The following KCNMA1 variants were observed in gnomAD, a reference collection of about 807,000 sequenced individuals.
The protein encoded by KCNMA1 is potassium calcium-activated channel subfamily M alpha 1.
A neutral mutation model predicts 140.0 loss-of-function variants in KCNMA1; 29 were observed. The ratio of observed to expected loss-of-function variants is 0.21; its 90% CI spans 0.15 to 0.28. The LOEUF (loss-of-function observed/expected upper bound fraction) is 0.28, where lower values mean the gene tolerates loss of function less well. Among genes scored for constraint, KCNMA1 ranks in the 10% least tolerant of loss-of-function variants. The probability of loss-of-function intolerance (pLI) is 1.00; values close to 1 mark genes in which losing one functional copy is unlikely to be tolerated. For missense variants in KCNMA1, 880 were observed against 1,602.2 expected (o/e 0.55, Z 7.70); for synonymous variants, 612 against 611.9 (o/e 1.00, Z 0.00).
At chr10:77,608,242 G>A (rs992058330) in intron 1 of KCNMA1, among the ~76,000 whole-genome samples, 2 of 152,004 alleles carry the variant, frequency 1.3e-5, no homozygotes, top group African/African-American at 4.8e-5. Flanking sequence ...ATACAATCTT[G>A]GTTCACTGCA....
chr10:76,888,551 C>G (rs186597735), intron 27 of KCNMA1, among the ~76,000 whole-genome samples: 1 of 152,252 alleles, frequency 6.6e-6, no homozygotes, highest in East Asian at 1.9e-4. Flanking sequence ...TGCAAACTCA[C>G]TGATCTTGGT....
chr10:77,157,713 G>C (rs753468198), intron 5 of KCNMA1, among the ~76,000 whole-genome samples: 31 of 152,234 alleles, frequency 2.0e-4, no homozygotes, highest in Non-Finnish European at 3.2e-4. Flanking sequence ...AGAAAAATAA[G>C]CCCTTCATCC....
intron 1 of KCNMA1, among the ~76,000 whole-genome samples, chr10:77,613,502 C>T (rs751174032): frequency 6.6e-6 from 1 of 152,214 alleles, no homozygotes; most frequent in African/African-American, 2.4e-5. Context: ...CTGGTTTTGG[C>T]TGCCAAGGGA....
chr10:76,987,196 G>A (rs1565382089), intron 19 of KCNMA1, among the ~76,000 whole-genome samples: 2 of 151,964 alleles, frequency 1.3e-5, no homozygotes, highest in African/African-American at 4.8e-5. Flanking sequence ...AATTCACACT[G>A]TGTGTCTTGG....
intron 1 of KCNMA1, among the ~76,000 whole-genome samples, chr10:77,499,436 TACACACAC>T (rs10672811): frequency 1.4e-5 from 2 of 142,976 alleles, no homozygotes; most frequent in Admixed American, 1.4e-4. Context: ...CACACACACA[TACACACAC>T]ACACACACAC....
chr10:77,262,747 C>T (rs11002100), intron 2 of KCNMA1, among the ~76,000 whole-genome samples: 27,868 of 151,916 alleles, frequency 0.18, 3,368 homozygotes, highest in East Asian at 0.44. Context: ...CTTTGCCTTC[C>T]GCCATGATTG....
rs191398917 is a variant in KCNMA1 at position 77,143,691 on chromosome 10, T to C, written c.809-22643A>G. On this transcript the variant is annotated intron_variant, in intron 5 of 27. Transcript: ENST00000286628. ...GGACACTCGGATAAGCAAAGGCTTC[T>C]TAGATAGGACACAAAAGGCACTCAC... Among the ~76,000 whole-genome samples the C allele has an allele frequency of 2.1e-4, 32 of 152,194 alleles. No homozygotes were observed. In the East Asian group the frequency reaches 5.4e-3, roughly 26 times the overall value.
At chr10:77,148,414 A>T (rs547580355) in intron 5 of KCNMA1, 2 of 152,358 alleles carry the variant, frequency 1.3e-5, no homozygotes, top group South Asian at 2.1e-4. Context: ...GACAGAAAGC[A>T]TAACACTGAA....
chr10:77,622,276 C>G (rs2091591262), intron 1 of KCNMA1, among the ~76,000 whole-genome samples: 1 of 152,204 alleles, frequency 6.6e-6, no homozygotes, highest in Non-Finnish European at 1.5e-5. Flanking sequence ...TCACATCTCT[C>G]CAGGAACAAC....
At chr10:76,877,003 C>T (rs1289641161), downstream of KCNMA1, 3 of 152,680 alleles carry the variant, frequency 2.0e-5, no homozygotes, top group Admixed American at 6.5e-5. Context: ...CTCCTGGTGT[C>T]CTTAGTTGGC....
chr10:77,264,648 G>A (rs1472032502), intron 2 of KCNMA1, among the ~76,000 whole-genome samples: 1 of 152,152 alleles, frequency 6.6e-6, no homozygotes, highest in Non-Finnish European at 1.5e-5. Context: ...AATCAGAATT[G>A]AGGTGGGCTC....
intron 25 of KCNMA1, chr10:76,902,695 A>G (rs912945580): frequency 6.6e-6 from 1 of 152,344 alleles, no homozygotes; most frequent in African/African-American, 2.4e-5. Context: ...TCCAAATCCA[A>G]TTAGTGTGGC....
At chr10:77,073,702 T>C (rs1447246531) in intron 13 of KCNMA1, among the ~76,000 whole-genome samples, 1 of 152,198 alleles carries the variant, frequency 6.6e-6, no homozygotes, top group Admixed American at 6.5e-5. Context: ...GAATCACCTG[T>C]ACAGTTTCTG....
intron 1 of KCNMA1, among the ~76,000 whole-genome samples, chr10:77,610,908 A>C (rs902761952): frequency 6.6e-6 from 1 of 152,254 alleles, no homozygotes; most frequent in Admixed American, 6.5e-5. Context: ...CTTATTGAAA[A>C]ATGCCATGGA....
intron 1 of KCNMA1, among the ~76,000 whole-genome samples, chr10:77,592,098 G>T (rs537165052): frequency 2.2e-4 from 33 of 152,258 alleles, no homozygotes; most frequent in African/African-American, 7.9e-4. Flanking sequence ...ATCCTTGCTC[G>T]GAGGGAGCAG....
intron 1 of KCNMA1, among the ~76,000 whole-genome samples, chr10:77,544,495 C>T (rs544434257): frequency 3.9e-5 from 6 of 152,262 alleles, no homozygotes; most frequent in Admixed American, 2.0e-4. Context: ...TCATATGCCC[C>T]ATCCCACTGC....
chr10:77,629,237 C>G (rs370489987), intron 1 of KCNMA1, among the ~76,000 whole-genome samples: 2 of 152,170 alleles, frequency 1.3e-5, no homozygotes, highest in African/African-American at 4.8e-5. Flanking sequence ...AAAAACAAAG[C>G]AAGTTCCATC....
chr10:77,265,601 G>A (rs1429536824), intron 2 of KCNMA1, among the ~76,000 whole-genome samples: 1 of 152,110 alleles, frequency 6.6e-6, no homozygotes, highest in Admixed American at 6.6e-5. Context: ...AAACCGGCTG[G>A]AGCTCTTTAT....
intron 2 of KCNMA1, among the ~76,000 whole-genome samples, chr10:77,401,708 T>A (rs1160572776): frequency 6.6e-6 from 1 of 152,250 alleles, no homozygotes; most frequent in Non-Finnish European, 1.5e-5. Flanking sequence ...CATTTTCTTG[T>A]GTTTAAGCCT....
Sources: gnomAD v4.1 joint callset for allele counts (sites outside exome capture counted in the v4.1 genomes callset) on GRCh38, gnomAD v4.1.1 for gene constraint, MANE v1.5 for transcripts, NCBI Gene and HGNC (gene_info 2026-07-23, HGNC 2026-07-21) for gene names.